SCML2: variants seen among roughly 807,000 people sequenced by gnomAD.
SCML2 encodes Scm polycomb group protein like 2, also known as sex comb on midleg-like protein 2.
In SCML2, 6 loss-of-function variants were observed where a neutral mutation model predicts 48.4. That is an observed-to-expected ratio of 0.12 (90% confidence interval 0.07 to 0.24). SCML2 has a LOEUF of 0.24. Among genes scored for constraint, SCML2 ranks in the 10% least tolerant of loss-of-function variants. The probability of loss-of-function intolerance (pLI) is 1.00; values close to 1 mark genes in which losing one functional copy is unlikely to be tolerated. For synonymous variants in SCML2, 181 were observed against 189.5 expected, an observed-to-expected ratio of 0.95 and a Z score of 0.37; for missense variants, 377 against 528.2, an observed-to-expected ratio of 0.71 and a Z score of 2.81.
intron 6 of SCML2, among the ~76,000 whole-genome samples, chrX:18,316,099 A>T (rs1441247026): frequency 8.9e-6 from 1 of 112,345 alleles, no homozygotes; most frequent in African/African-American, 3.2e-5. Flanking sequence ...ATAGAAAAAC[A>T]GTCAAAGGGC....
intron 1 of SCML2, among the ~76,000 whole-genome samples, chrX:18,348,559 A>G (rs1418324332): frequency 8.9e-6 from 1 of 112,135 alleles, no homozygotes; most frequent in Non-Finnish European, 1.9e-5. Flanking sequence ...TCTCTAAAGT[A>G]ATCTAAAACC....
At chrX:18,292,983 T>G (rs1385971244) in intron 7 of SCML2, among the ~76,000 whole-genome samples, 1 of 111,391 alleles carries the variant, frequency 9.0e-6, no homozygotes, top group Non-Finnish European at 1.9e-5. Flanking sequence ...CTCCACTGAT[T>G]TGACCATGTG....
intron 7 of SCML2, among the ~76,000 whole-genome samples, chrX:18,269,661 T>C (rs1927381568): frequency 8.9e-6 from 1 of 111,773 alleles, no homozygotes; most frequent in African/African-American, 3.3e-5. Context: ...ATAATTGAGC[T>C]CCAGATCTGG....
At chrX:18,317,783 G>A (rs992548747) in intron 6 of SCML2, among the ~76,000 whole-genome samples, 4 of 99,108 alleles carry the variant, frequency 4.0e-5, no homozygotes, top group East Asian at 3.2e-4. Flanking sequence ...GCAGTGAGCC[G>A]AGATCGCGCC....
intron 1 of SCML2, among the ~76,000 whole-genome samples, chrX:18,348,702 C>T (rs1328105857): frequency 1.8e-5 from 2 of 111,522 alleles, no homozygotes; most frequent in Non-Finnish European, 1.9e-5. Flanking sequence ...GACTATATTG[C>T]TTTTCAAATA....
rs1481206025 is a variant in SCML2, at chrX:18,246,747, G to A, written c.1652C>T (p.Ser551Leu). Residue 551 changes from serine (S) to leucine (L), a missense_variant, in exon 13 of 15, where the codon TCA becomes TTA. Ser to Leu is a moderately radical substitution (Grantham distance 145, BLOSUM62 -2). Coordinates refer to ENST00000251900, the MANE Select transcript of SCML2 (RefSeq NM_006089.3). ...SEDSKSSSLNSGNYLNPACRN... is the reference protein window; with the variant it reads ...SEDSKSSSLNLGNYLNPACRN... ...ACAGGCAGGATTCAAATAATTTCCT[G>A]AATTTAGTGATGAGCTCTTAGAATC... 8.3e-7 allele frequency: 1 copy of A among 1,205,297 alleles called. No homozygotes were observed.
chrX:18,258,972 A>C (rs1201093214), intron 9 of SCML2, among the ~76,000 whole-genome samples: 3 of 111,521 alleles, frequency 2.7e-5, no homozygotes, highest in Admixed American at 9.5e-5. Flanking sequence ...CACTATAAAA[A>C]CATGAGGGAA....
At chrX:18,290,254 C>G (rs867785653) in intron 7 of SCML2, among the ~76,000 whole-genome samples, 31 of 111,746 alleles carry the variant, frequency 2.8e-4, no homozygotes, top group African/African-American at 9.8e-4. Context: ...TGTAGGGGGA[C>G]AGAAGACCCA....
chrX:18,245,230 G>A (rs904038973), intron 13 of SCML2, among the ~76,000 whole-genome samples: 1 of 112,011 alleles, frequency 8.9e-6, no homozygotes, highest in Non-Finnish European at 1.9e-5. Context: ...AGAAAGCAAT[G>A]TTATTACTAT....
intron 12 of SCML2, 62 bp from the exon 13 acceptor site, chrX:18,246,890 A>T (rs1926466974): frequency 9.3e-7 from 1 of 1,070,046 alleles, no homozygotes; most frequent in African/African-American, 1.9e-5. Flanking sequence ...TACTACTAAA[A>T]GGTTAAAAAT....
At chrX:18,250,391 C>CT (rs1356344620) in intron 11 of SCML2, among the ~76,000 whole-genome samples, 4 of 97,954 alleles carry the variant, frequency 4.1e-5, no homozygotes, top group Middle Eastern at 4.9e-3. Flanking sequence ...TTTTTTTTTT[C>CT]TTTTTTTTGA....
chrX:18,334,273 G>T (rs1222939591), intron 1 of SCML2, among the ~76,000 whole-genome samples, 178 bp from the exon 2 acceptor site: 1 of 112,002 alleles, frequency 8.9e-6, no homozygotes, highest in Admixed American at 9.6e-5. Flanking sequence ...TGACTGCTAA[G>T]GGGCATGAAT....
chrX:18,339,674 A>T (rs1397971302), intron 1 of SCML2, among the ~76,000 whole-genome samples: 1 of 111,897 alleles, frequency 8.9e-6, no homozygotes, highest in Non-Finnish European at 1.9e-5. Context: ...TGATCACACC[A>T]CCACTTCACT....
At chrX:18,327,237 C>T (rs974673721) in intron 3 of SCML2, among the ~76,000 whole-genome samples, 7 of 109,756 alleles carry the variant, frequency 6.4e-5, no homozygotes, top group Admixed American at 3.9e-4. Flanking sequence ...GGCATCGTGG[C>T]GGGTGCCTCC....
chrX:18,312,952 T>C (rs932588178), intron 6 of SCML2, among the ~76,000 whole-genome samples: 10 of 108,593 alleles, frequency 9.2e-5, no homozygotes, highest in African/African-American at 3.4e-4. Flanking sequence ...TTGGCACTAC[T>C]GACGTTTGGA....
At chrX:18,285,909 CAGAATA>C (rs778822411) in intron 7 of SCML2, among the ~76,000 whole-genome samples, 1 of 111,259 alleles carries the variant, frequency 9.0e-6, no homozygotes, top group Non-Finnish European at 1.9e-5. Context: ...ACCAGAATAA[CAGAATA>C]AGAATACCTA....
In SCML2 at chrX:18,240,291, T is replaced by C. The variant is rs1426451770; in HGVS notation, c.*960A>G. On this transcript the variant is annotated 3_prime_UTR_variant, in exon 15 of 15. Coordinates refer to ENST00000251900, the MANE Select transcript of SCML2 (RefSeq NM_006089.3). ...CAGATTAAATTCAAGAAAAAAAAGA[T>C]TTACTTGTGTGTAAACCTACAGGTA... 8.9e-6 allele frequency: 1 copy of C among 112,187 alleles called. No homozygotes were observed. The highest frequency in any genetic ancestry group is 1.9e-5 in the Non-Finnish European group (1 of 53,242). The allele number at this position is 112,187 out of a possible 1,213,427, so 9.2% of individuals were successfully genotyped here.
At chrX:18,248,827 TATAA>T (rs1416398944) in intron 11 of SCML2, among the ~76,000 whole-genome samples, 1 of 112,491 alleles carries the variant, frequency 8.9e-6, no homozygotes, top group Admixed American at 9.5e-5. Context: ...TATAGTTTTC[TATAA>T]ATGTTTATTT....
chrX:18,319,595 C>CA (rs1354418550), intron 6 of SCML2, among the ~76,000 whole-genome samples: 1,224 of 33,394 alleles, frequency 0.037, 68 homozygotes, highest in African/African-American at 0.085. Context: ...GACTCTGTCT[C>CA]AAAAAAAAAA....
Sources: gnomAD v4.1 joint callset for allele counts (sites outside exome capture counted in the v4.1 genomes callset) on GRCh38, gnomAD v4.1.1 for gene constraint, MANE v1.5 for transcripts, NCBI Gene and HGNC (gene_info 2026-07-23, HGNC 2026-07-21) for gene names.